Variants in NAV3 observed in about 807,000 individuals in gnomAD.
NAV3 encodes pore membrane and/or filament interacting like protein 1.
A neutral mutation model predicts 244.7 loss-of-function variants in NAV3; 87 were observed. The observed-to-expected ratio is 0.36, with a 90% CI of 0.30 to 0.42. NAV3 has a LOEUF of 0.42. Ranked by LOEUF, NAV3 falls within the 20% of genes least tolerant of loss-of-function variation. The pLI is 1.00. For synonymous variants in NAV3, 1,126 were observed against 1,042.2 expected, an observed-to-expected ratio of 1.08 and a Z score of -1.55; for missense variants, 2,663 against 2,893.3, an observed-to-expected ratio of 0.92 and a Z score of 1.83.
At chr12:77,966,598 A>G (rs758592431) in intron 4 of NAV3, among the ~76,000 whole-genome samples, 47 of 152,114 alleles carry the variant, frequency 3.1e-4, no homozygotes, top group Non-Finnish European at 5.7e-4. Context: ...TAGATTTCTT[A>G]AGTAGATGAA....
At chr12:77,738,400 C>A (rs971189769) in intron 2 of NAV3, among the ~76,000 whole-genome samples, 2 of 152,150 alleles carry the variant, frequency 1.3e-5, no homozygotes, top group Non-Finnish European at 2.9e-5. Context: ...GTAAAGCACA[C>A]AGAACAATAG....
intron 2 of NAV3, among the ~76,000 whole-genome samples, chr12:77,751,837 G>A (rs921423666): frequency 1.1e-4 from 16 of 152,038 alleles, no homozygotes; most frequent in African/African-American, 3.4e-4. Flanking sequence ...TTTCATAACC[G>A]AGCTTATACG....
intron 2 of NAV3, among the ~76,000 whole-genome samples, chr12:77,807,926 A>G (rs1478989355): frequency 6.6e-6 from 1 of 151,864 alleles, no homozygotes; most frequent in Non-Finnish European, 1.5e-5. Context: ...CACTCAGTTG[A>G]TCTTCAATCT....
chr12:77,727,478 A>G (rs954147585), intron 2 of NAV3, among the ~76,000 whole-genome samples: 15 of 151,846 alleles, frequency 9.9e-5, no homozygotes, highest in African/African-American at 3.6e-4. Context: ...TGTATCATTT[A>G]GAATATTACC....
In NAV3 at chr12:78,027,949, T is replaced by C. The variant is rs972163852; in HGVS notation, c.2023+6087T>C. ...GATAAGAAAAAAAGGAAGCGTTTTT[T>C]TTTGTTTTGTTTTGTTTTGTTTTGT... On this transcript the variant is annotated intron_variant, in intron 9 of 39. Coordinates refer to ENST00000397909, the MANE Select transcript of NAV3 (RefSeq NM_001024383.2). Among the ~76,000 whole-genome samples the C allele has an allele frequency of 2.6e-5, 4 of 151,842 alleles. No homozygotes were observed. In the East Asian group the frequency reaches 7.7e-4, roughly 29 times the overall value.
chr12:77,963,404 C>T (rs1174595613), intron 3 of NAV3, among the ~76,000 whole-genome samples: 1 of 151,962 alleles, frequency 6.6e-6, no homozygotes, highest in African/African-American at 2.4e-5. Context: ...ATCTTAAAAC[C>T]ACTTCTTTTT....
At chr12:77,691,899 C>T (rs1875050471) in intron 2 of NAV3, among the ~76,000 whole-genome samples, 1 of 151,922 alleles carries the variant, frequency 6.6e-6, no homozygotes, top group African/African-American at 2.4e-5. Flanking sequence ...TTACCCACAT[C>T]ACTTTCCTAT....
rs375929591 is a variant in NAV3 at position 77,585,278 on chromosome 12, C to G, written c.72+13012C>G. 5.5e-4 allele frequency among the ~76,000 whole-genome samples: 84 copies of G among 152,236 alleles called. 6 individuals are homozygous for G. The South Asian group carries it at 0.015, about 27-fold the overall frequency. On this transcript the variant is annotated intron_variant, in intron 2 of 8. Transcript: ENST00000550042. ...ACCACCTCCAAGGTATCAGCTGGCA[C>G]CAGAGATCCTGCATTAGACCTGTTT...
At chr12:77,744,507 A>G (rs766836749) in intron 2 of NAV3, among the ~76,000 whole-genome samples, 3 of 151,970 alleles carry the variant, frequency 2.0e-5, no homozygotes, top group Non-Finnish European at 2.9e-5. Context: ...CATTACAGGT[A>G]TCTACCCGAT....
chr12:77,990,885 T>C (rs546197641), intron 5 of NAV3, among the ~76,000 whole-genome samples: 4 of 152,328 alleles, frequency 2.6e-5, no homozygotes, highest in Non-Finnish European at 4.4e-5. Context: ...GTTTTTATTA[T>C]TGTATTTCTG....
intron 2 of NAV3, among the ~76,000 whole-genome samples, chr12:77,709,543 A>G (rs760294082): frequency 1.1e-4 from 17 of 152,230 alleles, no homozygotes; most frequent in Non-Finnish European, 4.4e-5. Context: ...TGCTTTCTAG[A>G]TATATGAAGG....
At chr12:78,031,598 A>G (rs1240148986) in intron 9 of NAV3, among the ~76,000 whole-genome samples, 1 of 151,910 alleles carries the variant, frequency 6.6e-6, no homozygotes, top group Non-Finnish European at 1.5e-5. Context: ...ACATGGATGA[A>G]ATTGGAAATC....
intron 1 of NAV3, among the ~76,000 whole-genome samples, chr12:77,862,587 CT>C (rs954342431): frequency 1.3e-5 from 2 of 151,660 alleles, no homozygotes; most frequent in Non-Finnish European, 3.0e-5. Flanking sequence ...GTTAATAATC[CT>C]TTCTGTAACC....
At position 78,119,558 on chromosome 12, in the gene NAV3, A is replaced by T. The variant is rs201245483; in HGVS notation, c.3362A>T (p.Asp1121Val). The T allele has an allele frequency of 6.2e-7, 1 of 1,614,180 alleles. No individual in the cohort carries two copies. Among genetic ancestry groups the T allele is most frequent in the East Asian group, 2.2e-5 (1 of 44,880 alleles). The change falls in exon 15 of 40, where the codon GAT becomes GTT. Residue 1121 changes from aspartate to valine, a missense_variant. Coordinates refer to ENST00000397909, the MANE Select transcript of NAV3 (RefSeq NM_001024383.2). ...AGTTTGGACGGTTCACAGAATCAGGATGATGTTGTGCTGCATGTTAGCTCA... is the reference window on the plus strand; with the variant it reads ...AGTTTGGACGGTTCACAGAATCAGGTTGATGTTGTGCTGCATGTTAGCTCA... ...KTSLDGSQNQ[D>V]DVVLHVSSKT... is the part of the protein sequence containing the mutation.
intron 38 of NAV3, among the ~76,000 whole-genome samples, chr12:78,202,788 A>G (rs946153588): frequency 1.3e-5 from 2 of 152,068 alleles, no homozygotes; most frequent in African/African-American, 2.4e-5. Context: ...TTTCATTGCT[A>G]TTGAAGACTA....
At chr12:77,625,529 A>C (rs1016286733) in intron 2 of NAV3, among the ~76,000 whole-genome samples, 2 of 152,186 alleles carry the variant, frequency 1.3e-5, no homozygotes, top group Admixed American at 6.5e-5. Flanking sequence ...TATAGGAAGA[A>C]ATTTTGTGTC....
intron 1 of NAV3, among the ~76,000 whole-genome samples, chr12:77,857,420 A>G (rs1269569638): frequency 1.3e-5 from 2 of 151,966 alleles, no homozygotes; most frequent in Non-Finnish European, 2.9e-5. Context: ...GTTGCATTGA[A>G]TAAGAAGTTT....
chr12:77,840,498 G>A (rs973375940), intron 1 of NAV3, among the ~76,000 whole-genome samples: 1 of 152,038 alleles, frequency 6.6e-6, no homozygotes, highest in Non-Finnish European at 1.5e-5. Context: ...ATGGAAGAGG[G>A]ACAAATCTAG....
intron 23 of NAV3, among the ~76,000 whole-genome samples, chr12:78,165,388 ATCC>A: frequency 6.6e-6 from 1 of 151,972 alleles, no homozygotes; most frequent in Non-Finnish European, 1.5e-5. Flanking sequence ...TAGACTTTAA[ATCC>A]ATATCTTGAT....
Sources: gnomAD v4.1 joint callset for allele counts (sites outside exome capture counted in the v4.1 genomes callset) on GRCh38, gnomAD v4.1.1 for gene constraint, MANE v1.5 for transcripts, NCBI Gene and HGNC (gene_info 2026-07-23, HGNC 2026-07-21) for gene names.